The following ACOXL variants were observed in gnomAD, a reference collection of about 807,000 sequenced individuals.
ACOXL encodes the protein acyl-CoA oxidase like.
A neutral mutation model predicts 71.9 loss-of-function variants in ACOXL; 70 were observed. The observed-to-expected ratio is 0.97, with a 90% CI of 0.80 to 1.19. The LOEUF (loss-of-function observed/expected upper bound fraction) is 1.19. Among genes scored for constraint, ACOXL ranks in the 50% most tolerant of loss-of-function variants. The pLI is 0.00. For missense variants in ACOXL, 703 were observed against 736.3 expected, an observed-to-expected ratio of 0.95 and a Z score of 0.52; for synonymous variants, 253 against 281.6, an observed-to-expected ratio of 0.90 and a Z score of 1.02.
At chr2:110,912,634 C>A (rs2059687323) in intron 11 of ACOXL, among the ~76,000 whole-genome samples, 1 of 152,034 alleles carries the variant, frequency 6.6e-6, no homozygotes, top group African/African-American at 2.4e-5. Flanking sequence ...AATTTAAGAC[C>A]TAAAACAATA....
chr2:110,992,679 G>C (rs1456124728), intron 13 of ACOXL, among the ~76,000 whole-genome samples: 1 of 152,170 alleles, frequency 6.6e-6, no homozygotes, highest in African/African-American at 2.4e-5. Flanking sequence ...GCCCTGAAAG[G>C]AAGTGGCTTT....
chr2:110,996,081 G>T (rs2063384676), intron 14 of ACOXL, 77 bp downstream of exon 14: 1 of 1,238,732 alleles, frequency 8.1e-7, no homozygotes, highest in Admixed American at 1.7e-5. Flanking sequence ...TATCTGTTAA[G>T]TTTAGTAGAG....
At chr2:111,036,396 G>T (rs2065516864) in intron 15 of ACOXL, among the ~76,000 whole-genome samples, 1 of 152,190 alleles carries the variant, frequency 6.6e-6, no homozygotes, top group Non-Finnish European at 1.5e-5. Flanking sequence ...TCTGGCCCCT[G>T]TCTTTGTCTA....
intron 12 of ACOXL, among the ~76,000 whole-genome samples, chr2:110,941,651 G>C (rs1170510158): frequency 1.3e-5 from 2 of 152,158 alleles, no homozygotes; most frequent in Admixed American, 1.3e-4. Flanking sequence ...CAAGTAAAGA[G>C]ACAGTAGAAT....
intron 9 of ACOXL, among the ~76,000 whole-genome samples, chr2:110,829,833 A>G (rs1156373452): frequency 6.6e-6 from 1 of 152,242 alleles, no homozygotes; most frequent in African/African-American, 2.4e-5. Context: ...GAATCAAACC[A>G]TGAAATGGAG....
rs1207037261 is a variant in ACOXL, at chr2:110,934,868, A to G, written c.1059+1226A>G. ...TGTGTGGGGTCCACATGGAAAAGAA[A>G]GGGAATGGAGAATGAAATAATAGCT... On this transcript the variant is annotated intron_variant, in intron 12 of 17. Transcript: ENST00000439055. 3.9e-5 allele frequency among the ~76,000 whole-genome samples: 6 copies of G among 152,138 alleles called. No homozygotes were observed. The East Asian group carries it at 1.2e-3, about 29-fold the overall frequency.
intron 1 of ACOXL, among the ~76,000 whole-genome samples, chr2:110,753,381 C>T (rs1417770441): frequency 6.6e-6 from 1 of 152,184 alleles, no homozygotes; most frequent in Non-Finnish European, 1.5e-5. Flanking sequence ...GACTAATACA[C>T]TCATTGACAG....
At chr2:110,768,509 TGTGTGA>T in intron 2 of ACOXL, 45 bp downstream of exon 2, 2 of 1,510,426 alleles carry the variant, frequency 1.3e-6, no homozygotes, top group African/African-American at 1.5e-5. Context: ...TGTGTGTGTG[TGTGTGA>T]GAGAGAGAGA....
intron 2 of ACOXL, among the ~76,000 whole-genome samples, chr2:110,770,815 A>G (rs1375190115): frequency 1.3e-5 from 2 of 152,230 alleles, no homozygotes; most frequent in Non-Finnish European, 2.9e-5. Context: ...TCAGCCCAAC[A>G]TGTCTGTGGC....
At chr2:110,900,036 A>T (rs912281039) in intron 10 of ACOXL, among the ~76,000 whole-genome samples, 4 of 151,148 alleles carry the variant, frequency 2.6e-5, no homozygotes, top group Non-Finnish European at 5.9e-5. Context: ...TGTTTTGGGG[A>T]ACATAAAAGG....
chr2:110,753,063 G>T (rs2104821972), intron 1 of ACOXL, among the ~76,000 whole-genome samples: 1 of 152,276 alleles, frequency 6.6e-6, no homozygotes, highest in South Asian at 2.1e-4. Context: ...TTCATGAATG[G>T]CTTGGTGCTG....
intron 9 of ACOXL, among the ~76,000 whole-genome samples, chr2:110,815,993 A>G (rs922801970): frequency 6.6e-6 from 1 of 152,166 alleles, no homozygotes; most frequent in East Asian, 1.9e-4. Flanking sequence ...GAGTGGATGA[A>G]TGGATGGAAA....
chr2:110,862,368 C>T (rs1051445884), intron 10 of ACOXL, among the ~76,000 whole-genome samples: 1 of 152,164 alleles, frequency 6.6e-6, no homozygotes, highest in Non-Finnish European at 1.5e-5. Context: ...GTAATCCCAG[C>T]GACTCAAGGC....
At chr2:110,960,798 A>G (rs1322593596) in intron 12 of ACOXL, among the ~76,000 whole-genome samples, 2 of 152,174 alleles carry the variant, frequency 1.3e-5, no homozygotes. Flanking sequence ...CAGATGCATA[A>G]ACTGTTTATA....
chr2:110,946,228 A>G (rs2061102774), intron 12 of ACOXL, among the ~76,000 whole-genome samples: 1 of 152,330 alleles, frequency 6.6e-6, no homozygotes, highest in African/African-American at 2.4e-5. Context: ...TTGTACATCA[A>G]TTTTCTATCC....
intron 10 of ACOXL, among the ~76,000 whole-genome samples, chr2:110,903,487 A>G (rs190823093): frequency 5.1e-4 from 77 of 152,366 alleles, no homozygotes; most frequent in African/African-American, 1.8e-3. Flanking sequence ...TCACATGGAT[A>G]TCGCTGTGCG....
At chr2:110,920,324 A>G (rs2060019051) in intron 11 of ACOXL, among the ~76,000 whole-genome samples, 4 of 152,186 alleles carry the variant, frequency 2.6e-5, no homozygotes, top group Admixed American at 2.0e-4. Context: ...AACACTAATA[A>G]CTAATAATGT....
At chr2:110,793,951 C>T in intron 4 of ACOXL, 125 bp from the exon 5 acceptor site, 2 of 968,712 alleles carry the variant, frequency 2.1e-6, no homozygotes, top group South Asian at 3.1e-5. Flanking sequence ...CATCAGACTG[C>T]ATTTTTATAA....
intron 16 of ACOXL, among the ~76,000 whole-genome samples, chr2:111,053,693 A>G (rs1407707560): frequency 3.3e-5 from 5 of 152,192 alleles, no homozygotes; most frequent in Non-Finnish European, 7.4e-5. Flanking sequence ...CTGAATGTAA[A>G]TGATCACACC....
Sources: gnomAD v4.1 joint callset for allele counts (sites outside exome capture counted in the v4.1 genomes callset) on GRCh38, gnomAD v4.1.1 for gene constraint, MANE v1.5 for transcripts, NCBI Gene and HGNC (gene_info 2026-07-23, HGNC 2026-07-21) for gene names.